The following GFRA2 variants were observed in gnomAD, a reference collection of about 807,000 sequenced individuals.
GFRA2 encodes GDNF family receptor alpha-2.
In GFRA2, 17 loss-of-function variants were observed where a neutral mutation model predicts 48.3. The observed-to-expected ratio is 0.35, with a 90% CI of 0.24 to 0.53. The LOEUF is 0.53. GFRA2 is among the 20% of genes least tolerant of loss of function. GFRA2 has a pLI of 0.93. For missense variants in GFRA2, 660 were observed against 637.3 expected (o/e 1.04, Z -0.38); for synonymous variants, 305 against 257.2 (o/e 1.19, Z -1.78).
At chr8:21,787,137 A>G (rs1187335597) in intron 1 of GFRA2, among the ~76,000 whole-genome samples, 1 of 151,642 alleles carries the variant, frequency 6.6e-6, no homozygotes, top group African/African-American at 2.4e-5. Context: ...GGAGATTGCC[A>G]TTTCCCAAGC....
chr8:21,766,031 A>G (rs944510113), intron 3 of GFRA2, among the ~76,000 whole-genome samples: 4 of 152,084 alleles, frequency 2.6e-5, no homozygotes, highest in African/African-American at 7.2e-5. Flanking sequence ...TCATCTTTTC[A>G]AACACATAGA....
intron 7 of GFRA2, among the ~76,000 whole-genome samples, chr8:21,699,529 C>T (rs1802365730): frequency 6.6e-6 from 1 of 152,062 alleles, no homozygotes; most frequent in African/African-American, 2.4e-5. Context: ...CCAGAGTAGC[C>T]CCAAGGGAGT....
chr8:21,695,130 T>C (rs545847306), intron 7 of GFRA2, among the ~76,000 whole-genome samples: 1 of 152,188 alleles, frequency 6.6e-6, no homozygotes, highest in Non-Finnish European at 1.5e-5. Context: ...TACACGGATG[T>C]GCACACCTGG....
intron 1 of GFRA2, among the ~76,000 whole-genome samples, chr8:21,808,267 G>A (rs564667928): frequency 6.6e-6 from 1 of 152,188 alleles, no homozygotes; most frequent in African/African-American, 2.4e-5. Flanking sequence ...CTCTTGTCAT[G>A]TCGGCTCCCA....
chr8:21,787,268 G>GGT lies in GFRA2; in HGVS notation c.40+851_40+852insAC, dbSNP rs1807324468. Among the ~76,000 whole-genome samples, 2 of 149,266 alleles carry GGT rather than the reference G, an allele frequency of 1.3e-5. 1 individual carries two copies. The highest frequency in any genetic ancestry group is 4.9e-5 in the African/African-American group (2 of 40,674). On this transcript the variant is annotated intron_variant, in intron 1 of 8. Coordinates refer to ENST00000524240, the MANE Select transcript of GFRA2 (RefSeq NM_001495.5). ...CCTCCCTGTCTTGGAGGCGGCGGGG[G>GGT]GGGCAGTGGGGGGGGTTTGCAGAAG... is the stretch of plus-strand genomic sequence containing the variant.
rs539834398 is a variant in GFRA2, at chr8:21,703,047, A to C, written c.1046-70T>G. On this transcript the variant is annotated intron_variant, in intron 6 of 8. Transcript: ENST00000524240. ...TCCGTCACTCCTGTCCCTGCTCCTC[A>C]CACTCTTCACCCTGACCACCCCCTT... 1.8e-4 allele frequency: 177 copies of C among 985,366 alleles called. No individual in the cohort carries two copies. In the African/African-American group the frequency reaches 2.8e-3, roughly 15 times the overall value. 61.0% of individuals were successfully genotyped at this position (985,366 alleles called of 1,614,324 possible).
At chr8:21,738,748 C>T (rs1020977468) in intron 4 of GFRA2, among the ~76,000 whole-genome samples, 1 of 152,154 alleles carries the variant, frequency 6.6e-6, no homozygotes, top group African/African-American at 2.4e-5. Flanking sequence ...CTCCAAGAGG[C>T]CTTCTCAACA....
At chr8:21,754,718 AGG>A (rs1563249028) in intron 3 of GFRA2, among the ~76,000 whole-genome samples, 2 of 152,134 alleles carry the variant, frequency 1.3e-5, no homozygotes, top group African/African-American at 4.8e-5. Flanking sequence ...CATGTTAGCC[AGG>A]CTGGTCTCAA....
chr8:21,778,552 T>TA, intron 2 of GFRA2, among the ~76,000 whole-genome samples: 1 of 152,344 alleles, frequency 6.6e-6, no homozygotes, highest in South Asian at 2.1e-4. Context: ...AGTAGGTGCT[T>TA]AACAAATGGT....
chr8:21,693,405 G>A lies in GFRA2; in HGVS notation c.1273-5C>T. On this transcript the variant is annotated splice_polypyrimidine_tract_variant and splice_region_variant and intron_variant, in intron 8 of 8. Transcript: ENST00000524240. ...TGGGATGATATTTGTCGTGAGCTGA[G>A]TCCGCAGCAGGAGAAGAATCAGGAA... 1.9e-6 allele frequency: 3 copies of A among 1,603,390 alleles called. No homozygotes were observed. Among genetic ancestry groups the A allele is most frequent in the Non-Finnish European group, 2.6e-6 (3 of 1,174,004 alleles).
In GFRA2 at chr8:21,716,706, T is replaced by C. The variant is rs183736384; in HGVS notation, c.795-10665A>G. The stretch of plus-strand genomic sequence containing the variant: ...GACTTTCCCCACTGACAAGCATGCA[T>C]ACGCCTCCAATAATTTGCCCACGAG... On this transcript the variant is annotated intron_variant, in intron 4 of 8. Transcript: ENST00000524240. Among the ~76,000 whole-genome samples, 888 of 152,312 alleles carry C rather than the reference T, an allele frequency of 5.8e-3. 10 individuals are homozygous for C. The highest frequency in any genetic ancestry group is 7.7e-3 in the Non-Finnish European group (521 of 68,028).
At chr8:21,791,178 A>G (rs1167389591), upstream of GFRA2, among the ~76,000 whole-genome samples, 1 of 152,228 alleles carries the variant, frequency 6.6e-6, no homozygotes, top group East Asian at 1.9e-4. Flanking sequence ...TCTGAATCAT[A>G]TATGTAGTTC....
chr8:21,809,004 T>C (rs1807927170), intron 1 of GFRA2, among the ~76,000 whole-genome samples: 1 of 152,230 alleles, frequency 6.6e-6, no homozygotes. Flanking sequence ...AAGCAGGGTA[T>C]GAATTTTAAA....
At position 21,705,050 on chromosome 8, in the gene GFRA2, C is replaced by T. The variant is rs754858827; in HGVS notation, c.980G>A (p.Gly327Asp). 1.9e-6 allele frequency: 3 copies of T among 1,610,856 alleles called. No homozygotes were observed. Among genetic ancestry groups the T allele is most frequent in the Non-Finnish European group, 2.5e-6 (3 of 1,178,944 alleles). Residue 327 changes from glycine to aspartate, a missense_variant, in exon 6 of 9, where the codon GGC becomes GAC. Transcript: ENST00000524240. ...IVVSPWCSCR[G>D]SGNMEEECEK... ...ACACTCCTCCTCCATGTTCCCGCTG[C>T]CACGACAGCTGCACCAGGGGGACAC...
chr8:21,777,608 A>C (rs2117719468), intron 2 of GFRA2, among the ~76,000 whole-genome samples: 1 of 152,298 alleles, frequency 6.6e-6, no homozygotes, highest in East Asian at 1.9e-4. Flanking sequence ...AGAACCCTGA[A>C]TTTCAGTGTC....
exon 2 of GFRA2, chr8:21,805,110 A>G (rs1311015414): frequency 6.6e-6 from 1 of 152,070 alleles, no homozygotes; most frequent in African/African-American, 2.4e-5. Context: ...TTTCTTTCCA[A>G]TTTCCTCTAT....
At chr8:21,761,148 C>T (rs989149402) in intron 3 of GFRA2, among the ~76,000 whole-genome samples, 2 of 152,158 alleles carry the variant, frequency 1.3e-5, no homozygotes, top group Non-Finnish European at 2.9e-5. Context: ...ACTGTCATCT[C>T]CACACCTCAT....
intron 3 of GFRA2, among the ~76,000 whole-genome samples, chr8:21,769,892 G>A (rs986958071): frequency 6.6e-6 from 1 of 152,160 alleles, no homozygotes. Flanking sequence ...CTCCAAGAAG[G>A]ACCACAGGAG....
At chr8:21,790,861 G>C (rs1437024951), upstream of GFRA2, among the ~76,000 whole-genome samples, 2 of 152,296 alleles carry the variant, frequency 1.3e-5, no homozygotes, top group African/African-American at 2.4e-5. Flanking sequence ...ACCGGCTTTG[G>C]ATAAGTGTAG....
Sources: allele counts gnomAD v4.1 joint callset (sites outside exome capture counted in the v4.1 genomes callset), GRCh38; gene constraint gnomAD v4.1.1; transcripts MANE v1.5; gene names NCBI Gene and HGNC (gene_info 2026-07-23, HGNC 2026-07-21).